ADAMDEC1: variants seen among roughly 807,000 people sequenced by gnomAD.
ADAMDEC1 encodes ADAM DEC1.
Under a neutral mutation model 60.4 loss-of-function variants are expected in ADAMDEC1, and 62 were observed. That is an observed-to-expected ratio of 1.03 (90% confidence interval 0.84 to 1.27). ADAMDEC1 has a LOEUF of 1.27. Among genes scored for constraint, ADAMDEC1 ranks in the 50% most tolerant of loss-of-function variants. The pLI is 0.00. For synonymous variants in ADAMDEC1, 210 were observed against 195.1 expected (o/e 1.08, Z -0.64); for missense variants, 595 against 565.0 (o/e 1.05, Z -0.54).
At chr8:24,394,203 G>A in intron 4 of ADAMDEC1, 56 bp downstream of exon 4, 2 of 1,388,384 alleles carry the variant, frequency 1.4e-6, no homozygotes, top group Admixed American at 3.5e-5. Flanking sequence ...ATTAGTTTGT[G>A]CTAATGTTAA....
In ADAMDEC1 at chr8:24,401,942, A is replaced by C. The variant is rs1817775928; in HGVS notation, c.1170A>C (p.Thr390=). ...LSSKFPKDFS[T]SCRAHFERYL... is the part of the protein sequence containing the mutation. Reference sequence around the variant, plus strand: ...CAAAATTCCCAAAGGATTTCAGTACATCTTGCCGTGCACATTTTGAAAGAT... The same window carrying C: ...CAAAATTCCCAAAGGATTTCAGTACCTCTTGCCGTGCACATTTTGAAAGAT... The change falls in exon 12 of 14, where the codon ACA becomes ACC. Residue 390 remains threonine (T), a synonymous_variant. Coordinates refer to ENST00000256412, the MANE Select transcript of ADAMDEC1 (RefSeq NM_014479.3). The C allele has an allele frequency of 1.2e-6, 2 of 1,612,250 alleles. No homozygotes were observed. The highest frequency in any genetic ancestry group is 1.7e-4 in the Middle Eastern group (1 of 6,042).
chr8:24,390,164 T>C (rs1443250219), intron 1 of ADAMDEC1: 2 of 1,024,734 alleles, frequency 2.0e-6, no homozygotes, highest in East Asian at 1.2e-4. Context: ...CAGCATTCAA[T>C]AAATATTTGT....
At chr8:24,391,217 T>A (rs986703108) in intron 1 of ADAMDEC1, among the ~76,000 whole-genome samples, 2 of 152,156 alleles carry the variant, frequency 1.3e-5, no homozygotes, top group African/African-American at 4.8e-5. Context: ...TTCCCTAAGA[T>A]CACTCTGTCA....
chr8:24,387,283 A>G (rs1488297432), intron 1 of ADAMDEC1: 2 of 152,078 alleles, frequency 1.3e-5, no homozygotes, highest in Non-Finnish European at 2.9e-5. Context: ...ATATTGGGAG[A>G]GAGGGCTCAG....
At chr8:24,402,797 G>T (rs1817797153) in intron 12 of ADAMDEC1, among the ~76,000 whole-genome samples, 1 of 152,106 alleles carries the variant, frequency 6.6e-6, no homozygotes, top group African/African-American at 2.4e-5. Context: ...TATGTATTCA[G>T]AAATTTTAGC....
At chr8:24,389,589 A>G (rs934254252) in intron 1 of ADAMDEC1, among the ~76,000 whole-genome samples, 1 of 152,070 alleles carries the variant, frequency 6.6e-6, no homozygotes, top group Non-Finnish European at 1.5e-5. Flanking sequence ...TTACTTCTCT[A>G]CTCCGAACTC....
chr8:24,394,947 C>T (rs996477272), intron 4 of ADAMDEC1, among the ~76,000 whole-genome samples: 7 of 152,188 alleles, frequency 4.6e-5, no homozygotes, highest in Admixed American at 2.6e-4. Flanking sequence ...TTGACGATAT[C>T]TCTTCCAAAA....
chr8:24,403,712 T>C (rs1817820864), intron 12 of ADAMDEC1, among the ~76,000 whole-genome samples: 1 of 152,186 alleles, frequency 6.6e-6, no homozygotes, highest in Non-Finnish European at 1.5e-5. Context: ...CTTTCTGCTG[T>C]ATGTTCAATT....
rs367917907 is a variant in ADAMDEC1, at chr8:24,394,267, G to C, written c.363+120G>C. 7.4e-4 allele frequency: 476 copies of C among 639,080 alleles called. 13 individuals carry two copies. In the South Asian group the frequency reaches 0.018, roughly 25 times the overall value. The allele number at this position is 639,080 out of a possible 1,614,324, so 39.6% of individuals were successfully genotyped here. A position where few individuals can be genotyped will look rare whatever the true frequency, so the allele number is the denominator to read the frequency against. ...TATAAAATTCATAGGTCCATGAACA[G>C]CTTCAAAAAATAATCAAAGGACTTG... On this transcript the variant is annotated intron_variant, in intron 4 of 13. Coordinates refer to ENST00000256412, the MANE Select transcript of ADAMDEC1 (RefSeq NM_014479.3).
chr8:24,399,113 C>T (rs1315117663), intron 9 of ADAMDEC1, 73 bp downstream of exon 9: 2 of 1,480,800 alleles, frequency 1.4e-6, no homozygotes, highest in Admixed American at 2.2e-5. Flanking sequence ...CAGGGATTTC[C>T]ACTCTGTAAT....
chr8:24,401,030 T>C (rs545275745), intron 11 of ADAMDEC1, among the ~76,000 whole-genome samples: 2 of 152,164 alleles, frequency 1.3e-5, no homozygotes, highest in East Asian at 3.9e-4. Flanking sequence ...CTTAATCCAG[T>C]CTATCATTGT....
chr8:24,394,026 C>A, intron 3 of ADAMDEC1, 43 bp from the exon 4 acceptor site: 2 of 1,377,472 alleles, frequency 1.5e-6, no homozygotes, highest in Non-Finnish European at 2.1e-6. Context: ...TTCTGCCTTT[C>A]TTACCATCCT....
intron 1 of ADAMDEC1, among the ~76,000 whole-genome samples, chr8:24,389,115 T>G (rs1192312615): frequency 6.6e-6 from 1 of 152,142 alleles, no homozygotes; most frequent in Non-Finnish European, 1.5e-5. Flanking sequence ...ACTGGAAATC[T>G]TAGAGGGATC....
intron 9 of ADAMDEC1, 148 bp from the exon 10 acceptor site, chr8:24,399,245 C>T: frequency 2.0e-6 from 2 of 996,420 alleles, no homozygotes; most frequent in Non-Finnish European, 1.5e-6. Context: ...CATCTGTGGT[C>T]ATAACACTAA....
At chr8:24,398,009 G>T (rs573297941) in intron 7 of ADAMDEC1, among the ~76,000 whole-genome samples, 12 of 151,140 alleles carry the variant, frequency 7.9e-5, no homozygotes, top group Non-Finnish European at 1.6e-4. Context: ...TAAAAGGAAC[G>T]CATTATTAAA....
At chr8:24,384,656 C>G (rs746764390) in intron 1 of ADAMDEC1, 64 bp downstream of exon 1, 2 of 1,424,252 alleles carry the variant, frequency 1.4e-6, no homozygotes, top group Middle Eastern at 1.8e-4. Context: ...TTTAAAGTGC[C>G]TTTTGAAAAA....
chr8:24,402,133 G>C (rs1457050846), intron 12 of ADAMDEC1, 41 bp downstream of exon 12: 19 of 1,487,366 alleles, frequency 1.3e-5, no homozygotes, highest in Non-Finnish European at 1.5e-5. Flanking sequence ...GAATTATGCA[G>C]TTTTCTTTTT....
chr8:24,389,234 C>A (rs1196230646), intron 1 of ADAMDEC1, among the ~76,000 whole-genome samples: 1 of 152,138 alleles, frequency 6.6e-6, no homozygotes, highest in Non-Finnish European at 1.5e-5. Context: ...ATACCCAGAA[C>A]CTTTCCCACA....
intron 3 of ADAMDEC1, among the ~76,000 whole-genome samples, chr8:24,393,634 A>G (rs1392355561): frequency 6.6e-6 from 1 of 152,188 alleles, no homozygotes; most frequent in Non-Finnish European, 1.5e-5. Context: ...TTTTATGAGA[A>G]TATGTGTCCA....
Sources: allele counts gnomAD v4.1 joint callset (sites outside exome capture counted in the v4.1 genomes callset), GRCh38; gene constraint gnomAD v4.1.1; transcripts MANE v1.5; gene names NCBI Gene and HGNC (gene_info 2026-07-23, HGNC 2026-07-21).